CAD: variants seen among roughly 807,000 people sequenced by gnomAD.
CAD encodes the protein multifunctional protein CAD.
CAD carries 81 observed loss-of-function variants against 237.2 expected under a neutral mutation model. The ratio of observed to expected loss-of-function variants is 0.34; its 90% CI spans 0.29 to 0.41. CAD has a LOEUF of 0.41. Among genes scored for constraint, CAD ranks in the 10% least tolerant of loss-of-function variants. CAD has a pLI of 1.00. For missense variants in CAD, 2,181 were observed against 2,951.7 expected (o/e 0.74, Z 6.05); for synonymous variants, 1,196 against 1,162.8 (o/e 1.03, Z -0.58).
At chr2:27,223,446 A>AT (rs1316777563) in intron 6 of CAD, 117 bp from the exon 7 acceptor site, 4 of 947,252 alleles carry the variant, frequency 4.2e-6, no homozygotes, top group Middle Eastern at 3.4e-4. Context: ...AAAAAAAAAA[A>AT]CAAAAAGGAA....
In CAD at chr2:27,218,082, T is replaced by C. The variant is rs1010489435; in HGVS notation, c.222+66T>C. 5 of 1,427,732 alleles carry C rather than the reference T, an allele frequency of 3.5e-6. No homozygotes were observed. The Admixed American group carries it at 6.7e-5, about 19-fold the overall frequency. The allele number at this position is 1,427,732 out of a possible 1,614,324, so 88.4% of individuals were successfully genotyped here. A position where few individuals can be genotyped will look rare whatever the true frequency, so the allele number is the denominator to read the frequency against. Reference sequence around the variant, plus strand: ...CAGTAATTGTTAACTATTAGTGAAGTAGGAGACGTTGACACCCTGCTGGGC... The same window carrying C: ...CAGTAATTGTTAACTATTAGTGAAGCAGGAGACGTTGACACCCTGCTGGGC... On this transcript the variant is annotated intron_variant, in intron 2 of 43. Transcript: ENST00000264705.
Position 27,217,468 on chromosome 2 carries a change from G to C in CAD, c.-84G>C. 8.2e-7 allele frequency: 1 copy of C among 1,223,960 alleles called. No individual in the cohort carries two copies. Among genetic ancestry groups the C allele is most frequent in the Non-Finnish European group, 1.2e-6 (1 of 850,226 alleles). The allele number at this position is 1,223,960 out of a possible 1,614,324, so 75.8% of individuals were successfully genotyped here. A position where few individuals can be genotyped will look rare whatever the true frequency, so the allele number is the denominator to read the frequency against. The stretch of plus-strand genomic sequence containing the variant: ...CCGTTAGCCACGTGGACCGACTCCG[G>C]CGCGCCGTCCTCACGTGGTTCCAGT... On this transcript the variant is annotated 5_prime_UTR_variant, in exon 1 of 44. Transcript: ENST00000264705.
chr2:27,243,327 G>A, intron 43 of CAD, 35 bp downstream of exon 43: 1 of 1,611,258 alleles, frequency 6.2e-7, no homozygotes, highest in Non-Finnish European at 8.5e-7. Flanking sequence ...CTGCCTCGGG[G>A]CTGGTGGACG....
chr2:27,241,525 C>T lies in CAD; in HGVS notation c.5883+129C>T, dbSNP rs1369453202. 3.0e-5 allele frequency: 26 copies of T among 870,288 alleles called. No individual in the cohort carries two copies. The highest frequency in any genetic ancestry group is 5.0e-5 in the African/African-American group (3 of 60,146). The allele number at this position is 870,288 out of a possible 1,614,324, so 53.9% of individuals were successfully genotyped here. On this transcript the variant is annotated intron_variant, in intron 38 of 43. Transcript: ENST00000264705. This position sits in a 1 kb window ranked among gnomAD's most constrained non-coding sequence, Gnocchi z 4.6. Reference sequence around the variant, plus strand: ...TCCCGTCCCCTTATGCTAGTCCATCCCTCTGCTGCTGTAGATCTTCCCCCA... The same window carrying T: ...TCCCGTCCCCTTATGCTAGTCCATCTCTCTGCTGCTGTAGATCTTCCCCCA...
Position 27,237,506 on chromosome 2 carries a change from C to T in CAD, c.4524C>T (p.Pro1508=). The T allele has an allele frequency of 6.2e-7, 1 of 1,614,076 alleles. No homozygotes were observed. The highest frequency in any genetic ancestry group is 1.7e-5 in the Admixed American group (1 of 60,034). Residue 1508 remains proline, a synonymous_variant, in exon 28 of 44, where the codon CCC becomes CCT. Transcript: ENST00000264705. This position sits in a 1 kb window ranked among gnomAD's most constrained non-coding sequence, Gnocchi z 4.0. ...TGTGTGCCATGCCTAATACCCGGCC[C>T]CCCATCATTGACGCCCCTGCTCTGG... is the stretch of plus-strand genomic sequence containing the variant. The part of the protein sequence containing the change: ...TMVCAMPNTR[P]PIIDAPALAL...
chr2:27,232,251 G>T lies in CAD; in HGVS notation c.2645+27G>T. The T allele has an allele frequency of 1.2e-6, 2 of 1,611,142 alleles. No individual in the cohort carries two copies. Among genetic ancestry groups the T allele is most frequent in the Non-Finnish European group, 1.7e-6 (2 of 1,179,098 alleles). ...TCAGAGGTGGCAATGAGAGCTTCCG[G>T]CTGGGAAATGTGGGGCAGAACCTTT... On this transcript the variant is annotated intron_variant, in intron 17 of 43. Coordinates refer to ENST00000264705, the MANE Select transcript of CAD (RefSeq NM_004341.5). The surrounding 1 kb of genome is among the most constrained non-coding windows in gnomAD (Gnocchi z 4.1).
chr2:27,238,021 C>G, intron 29 of CAD, 35 bp from the exon 30 acceptor site: 1 of 1,611,578 alleles, frequency 6.2e-7, no homozygotes, highest in Non-Finnish European at 8.5e-7. Context: ...GTCAGAGATT[C>G]TGCACACTCC....
chr2:27,235,872 TC>T lies in CAD; in HGVS notation c.4074+233del. 4.9e-6 allele frequency: 2 copies of T among 409,628 alleles called. No individual in the cohort carries two copies. Among genetic ancestry groups the T allele is most frequent in the Non-Finnish European group, 8.4e-6 (2 of 238,108 alleles). 25.4% of individuals were successfully genotyped at this position (409,628 alleles called of 1,614,324 possible). On this transcript the variant is annotated intron_variant, in intron 25 of 43. Coordinates refer to ENST00000264705, the MANE Select transcript of CAD (RefSeq NM_004341.5). The surrounding 1 kb of genome is among the most constrained non-coding windows in gnomAD (Gnocchi z 5.2). ...GCTTGGGAAACAGTGAGATGCTGTC[TC>T]AAAAAAAAAAAAAACAAAGAATTAT...
At chr2:27,219,050 C>T (rs1415393544) in intron 2 of CAD, among the ~76,000 whole-genome samples, 1 of 152,210 alleles carries the variant, frequency 6.6e-6, no homozygotes, top group African/African-American at 2.4e-5. Context: ...CCTTTGTCAA[C>T]TCTAGACACA....
chr2:27,240,066 C>T lies in CAD; in HGVS notation c.5497-199C>T, dbSNP rs149752808. 2 of 606,078 alleles carry T rather than the reference C, an allele frequency of 3.3e-6. No homozygotes were observed. The highest frequency in any genetic ancestry group is 4.1e-5 in the South Asian group (2 of 49,270). The allele number at this position is 606,078 out of a possible 1,614,324, so 37.5% of individuals were successfully genotyped here. Reference sequence around the variant, plus strand: ...GACCAGCCTAGCCAACATGGTGAAACCCCATCTCTACTAAAAATAAAAAAA... The same window carrying T: ...GACCAGCCTAGCCAACATGGTGAAATCCCATCTCTACTAAAAATAAAAAAA... On this transcript the variant is annotated intron_variant, in intron 34 of 43. Coordinates refer to ENST00000264705, the MANE Select transcript of CAD (RefSeq NM_004341.5). This position sits in a 1 kb window ranked among gnomAD's most constrained non-coding sequence, Gnocchi z 4.6.
intron 16 of CAD, 58 bp downstream of exon 16, chr2:27,231,638 C>G: frequency 9.6e-7 from 1 of 1,037,874 alleles, no homozygotes; most frequent in Non-Finnish European, 1.5e-6. Context: ...TCTCATCGCC[C>G]CCAGACCATG....
intron 23 of CAD, among the ~76,000 whole-genome samples, 175 bp downstream of exon 23, chr2:27,234,860 G>GAGA (rs1460761420): frequency 2.6e-5 from 4 of 152,166 alleles, no homozygotes; most frequent in African/African-American, 9.7e-5. Flanking sequence ...TGGGAGGGAA[G>GAGA]AGAAGTTGGA....
At chr2:27,222,487 C>T in intron 4 of CAD, 32 bp from the exon 5 acceptor site, 3 of 1,607,858 alleles carry the variant, frequency 1.9e-6, no homozygotes, top group Non-Finnish European at 2.6e-6. Context: ...GCACAGCTGC[C>T]AACTGTTGCC....
chr2:27,219,682 C>T (rs562350176), intron 2 of CAD, among the ~76,000 whole-genome samples: 16 of 152,122 alleles, frequency 1.1e-4, no homozygotes, highest in Non-Finnish European at 2.1e-4. Flanking sequence ...CTCCGCCTCC[C>T]GGGTTCAAGC....
chr2:27,239,400 G>A lies in CAD; in HGVS notation c.5323G>A (p.Glu1775Lys). 1 of 1,614,164 alleles carries A rather than the reference G, an allele frequency of 6.2e-7. No homozygotes were observed. The highest frequency in any genetic ancestry group is 8.5e-7 in the Non-Finnish European group (1 of 1,180,010). ...PFSKAHWTPF[E>K]GQKVKGTVRR... The stretch of plus-strand genomic sequence containing the variant: ...CTCCAAGGCCCACTGGACACCTTTT[G>A]AAGGGCAGAAAGTGAAGGGCACCGT... Residue 1775 changes from glutamate to lysine, a missense_variant, in exon 33 of 44, where the codon GAA becomes AAA. By Grantham distance (56) the Glu-to-Lys change is moderately conservative. Transcript: ENST00000264705. This position sits in a 1 kb window ranked among gnomAD's most constrained non-coding sequence, Gnocchi z 4.0.
chr2:27,237,915 C>T lies in CAD; in HGVS notation c.4728+33C>T. On this transcript the variant is annotated intron_variant, in intron 29 of 43. Coordinates refer to ENST00000264705, the MANE Select transcript of CAD (RefSeq NM_004341.5). The surrounding 1 kb of genome is among the most constrained non-coding windows in gnomAD (Gnocchi z 4.0). ...GTGTGCATGTGGCAGGAGGCCACCACCCAGTGTCTCCTGGCTTGTGGGCCC... is the reference window on the plus strand; with the variant it reads ...GTGTGCATGTGGCAGGAGGCCACCATCCAGTGTCTCCTGGCTTGTGGGCCC... The T allele has an allele frequency of 3.2e-6, 5 of 1,583,220 alleles. No individual in the cohort carries two copies. The highest frequency in any genetic ancestry group is 4.3e-6 in the Non-Finnish European group (5 of 1,161,630).
chr2:27,224,624 T>C (rs1675341143), intron 9 of CAD, 121 bp from the exon 10 acceptor site: 1 of 1,535,946 alleles, frequency 6.5e-7, no homozygotes, highest in Non-Finnish European at 8.9e-7. Context: ...TAGTAAGAAA[T>C]AGAAGTCAAT....
chr2:27,226,585 AC>A lies in CAD; in HGVS notation c.2093del (p.Thr698LysfsTer12). On this transcript the variant is annotated frameshift_variant, in exon 14 of 44. Transcript: ENST00000264705. LOFTEE classifies it high-confidence loss of function. ...CAGCTCTGCCCTGGCCAGTAAGGCC[AC>A]AGGTTATCCACTGGCTTATGTGGCA... ...SRSSALASKA[T>X]GYPLAYVAAK... The A allele has an allele frequency of 6.2e-7, 1 of 1,614,180 alleles. No homozygotes were observed. The highest frequency in any genetic ancestry group is 1.1e-5 in the South Asian group (1 of 91,082).
Position 27,222,341 on chromosome 2 carries a change from A to G in CAD, c.495+5A>G, listed in dbSNP as rs1345968719. On this transcript the variant is annotated splice_donor_5th_base_variant and intron_variant, in intron 4 of 43. Transcript: ENST00000264705. ...GTACCAGAGGTCTCCATTAAGGTAC[A>G]GAGGTAGAGTGGGAGAGTGTTGCAA... 1 of 1,606,860 alleles carries G rather than the reference A, an allele frequency of 6.2e-7. No homozygotes were observed. Among genetic ancestry groups the G allele is most frequent in the Non-Finnish European group, 8.5e-7 (1 of 1,174,134 alleles).
Sources: gnomAD v4.1 joint callset for allele counts (sites outside exome capture counted in the v4.1 genomes callset) on GRCh38, gnomAD v4.1.1 for gene constraint, Gnocchi (gnomAD v3.1) non-coding constraint, MANE v1.5 for transcripts, NCBI Gene and HGNC (gene_info 2026-07-23, HGNC 2026-07-21) for gene names.